Variants in CAPSL observed in about 807,000 individuals in gnomAD.
The protein encoded by CAPSL is calcyphosin-like protein.
In CAPSL, 17 loss-of-function variants were observed where a neutral mutation model predicts 21.3. The observed-to-expected ratio is 0.80, with a 90% confidence interval of 0.55 to 1.20. The LOEUF is 1.20. CAPSL is among the 50% of genes most tolerant of loss of function. The pLI is 0.00. For synonymous variants in CAPSL, 102 were observed against 89.3 expected (o/e 1.14, Z -0.80); for missense variants, 289 against 259.3 (o/e 1.11, Z -0.79).
intron 4 of CAPSL, among the ~76,000 whole-genome samples, chr5:35,905,208 G>A (rs1580876226): frequency 6.6e-6 from 1 of 152,062 alleles, no homozygotes; most frequent in East Asian, 1.9e-4. Flanking sequence ...ACCCATCCTG[G>A]CTTCTCTCCA....
chr5:35,904,469 A>G lies in CAPSL; in HGVS notation c.*76T>C. On this transcript the variant is annotated 3_prime_UTR_variant, in exon 5 of 5. Transcript: ENST00000651391. ...TAGGATGAGTGTGAAATCAAATACGATTCTGGTTTTTGAGCTGACATTTAG... is the reference window on the plus strand; with the variant it reads ...TAGGATGAGTGTGAAATCAAATACGGTTCTGGTTTTTGAGCTGACATTTAG... 9.2e-7 allele frequency: 1 copy of G among 1,082,320 alleles called. No individual in the cohort carries two copies. The highest frequency in any genetic ancestry group is 1.6e-5 in the African/African-American group (1 of 62,776). The allele number at this position is 1,082,320 out of a possible 1,614,324, so 67.0% of individuals were successfully genotyped here.
rs539362676 is a variant in CAPSL, at chr5:35,910,357, G to C, written c.315+9C>G. On this transcript the variant is annotated intron_variant, in intron 3 of 4. Coordinates refer to ENST00000651391, the MANE Select transcript of CAPSL (RefSeq NM_001042625.2). ...CTCAGCAGATACACTGATTAATGGG[G>C]CCACTTACTCTTAATGTGAGAAGAA... 5.6e-6 allele frequency: 9 copies of C among 1,610,776 alleles called. No individual in the cohort carries two copies. In the African/African-American group the frequency reaches 6.7e-5, roughly 12 times the overall value.
At chr5:35,927,704 A>G (rs1482200121) in intron 1 of CAPSL, among the ~76,000 whole-genome samples, 3 of 152,212 alleles carry the variant, frequency 2.0e-5, no homozygotes, top group African/African-American at 7.2e-5. Flanking sequence ...AATTTTGATT[A>G]AGACTTGGTG....
chr5:35,920,964 C>T lies in CAPSL; in HGVS notation c.137+20G>A, dbSNP rs1279271051. 6 of 1,611,608 alleles carry T rather than the reference C, an allele frequency of 3.7e-6. No homozygotes were observed. The East Asian group carries it at 1.3e-4, about 36-fold the overall frequency. On this transcript the variant is annotated intron_variant, in intron 2 of 4. Coordinates refer to ENST00000651391, the MANE Select transcript of CAPSL (RefSeq NM_001042625.2). Reference sequence around the variant, plus strand: ...CATTCCTTCCCGCTCCATTCCCTGCCACTTGTAGCTGGGTCCTACCTGCCA... The same window carrying T: ...CATTCCTTCCCGCTCCATTCCCTGCTACTTGTAGCTGGGTCCTACCTGCCA...
chr5:35,933,925 C>G (rs555675905), intron 1 of CAPSL, among the ~76,000 whole-genome samples: 1 of 152,180 alleles, frequency 6.6e-6, no homozygotes, highest in African/African-American at 2.4e-5. Context: ...ATGTGGGAGA[C>G]AATCTGCTCT....
At chr5:35,925,754 G>T (rs1738657455) in intron 1 of CAPSL, among the ~76,000 whole-genome samples, 1 of 151,900 alleles carries the variant, frequency 6.6e-6, no homozygotes, top group Non-Finnish European at 1.5e-5. Flanking sequence ...ACAAAAAAGG[G>T]AAAAAGTCTT....
chr5:35,928,022 G>A (rs1318723469), intron 1 of CAPSL, among the ~76,000 whole-genome samples: 1 of 152,136 alleles, frequency 6.6e-6, no homozygotes, highest in African/African-American at 2.4e-5. Flanking sequence ...TTGGAGGATG[G>A]GAAGTTCAAG....
chr5:35,909,846 G>T lies in CAPSL; in HGVS notation c.525+20C>A. The stretch of plus-strand genomic sequence containing the variant: ...TTTCGAATTGAAGAAATTTCCCCTA[G>T]ATTAGGCTCTTTTACTTACCAATCC... On this transcript the variant is annotated intron_variant, in intron 4 of 4. Transcript: ENST00000651391. 1 of 1,589,570 alleles carries T rather than the reference G, an allele frequency of 6.3e-7. No individual in the cohort carries two copies. Among genetic ancestry groups the T allele is most frequent in the Non-Finnish European group, 8.5e-7 (1 of 1,169,980 alleles).
chr5:35,924,030 T>A (rs1167719682), intron 1 of CAPSL, among the ~76,000 whole-genome samples: 9 of 148,726 alleles, frequency 6.1e-5, no homozygotes, highest in East Asian at 1.9e-4. Flanking sequence ...AAAAAAAAAA[T>A]TTAAAGTGTG....
At chr5:35,912,646 G>A (rs1009087392) in intron 2 of CAPSL, among the ~76,000 whole-genome samples, 11 of 152,248 alleles carry the variant, frequency 7.2e-5, no homozygotes, top group African/African-American at 2.7e-4. Flanking sequence ...TGCAGCTGAG[G>A]TTCCTGACTG....
Position 35,929,864 on chromosome 5 carries a change from A to G in CAPSL, c.-1+8677T>C, listed in dbSNP as rs548045610. On this transcript the variant is annotated intron_variant, in intron 1 of 4. Transcript: ENST00000651391. The stretch of plus-strand genomic sequence containing the variant: ...TTGGGTTTTCAAATCCTTAAGGCTC[A>G]GTGTAAATACCTTATGGTTAAGAAG... Among the ~76,000 whole-genome samples the G allele has an allele frequency of 4.6e-5, 7 of 152,224 alleles. No homozygotes were observed. In the East Asian group the frequency reaches 1.2e-3, roughly 25 times the overall value.
intron 2 of CAPSL, among the ~76,000 whole-genome samples, chr5:35,919,241 C>T (rs3866449): frequency 0.27 from 40,159 of 148,680 alleles, 5,700 homozygotes; most frequent in African/African-American, 0.35. Context: ...ATTCCAAGAA[C>T]GTGGCAAGGG....
intron 1 of CAPSL, among the ~76,000 whole-genome samples, chr5:35,935,550 G>A (rs1204981578): frequency 6.6e-6 from 1 of 151,924 alleles, no homozygotes; most frequent in Non-Finnish European, 1.5e-5. Flanking sequence ...GCCCAGGCTG[G>A]TCTTGAACTC....
intron 4 of CAPSL, 70 bp downstream of exon 4, chr5:35,909,796 G>T: frequency 8.0e-7 from 1 of 1,250,598 alleles, no homozygotes; most frequent in Non-Finnish European, 1.1e-6. Context: ...ATTTTTAAGA[G>T]TTTGGACCTA....
At chr5:35,915,581 A>G (rs541798135) in intron 2 of CAPSL, among the ~76,000 whole-genome samples, 2 of 152,334 alleles carry the variant, frequency 1.3e-5, no homozygotes, top group South Asian at 4.1e-4. Flanking sequence ...AATGTAATCC[A>G]GCATATAAAC....
At chr5:35,910,660 ATTC>A in intron 2 of CAPSL, 117 bp from the exon 3 acceptor site, 1 of 755,594 alleles carries the variant, frequency 1.3e-6, no homozygotes, top group Non-Finnish European at 2.1e-6. Flanking sequence ...AAAGTCTTAA[ATTC>A]TTCTCTGCAC....
intron 2 of CAPSL, among the ~76,000 whole-genome samples, chr5:35,915,934 C>A (rs1180288033): frequency 6.6e-6 from 1 of 152,260 alleles, no homozygotes; most frequent in African/African-American, 2.4e-5. Context: ...TCCCTGTTTG[C>A]AGATGACATG....
chr5:35,916,202 G>T (rs9764907), intron 2 of CAPSL, among the ~76,000 whole-genome samples: 129,785 of 150,798 alleles, frequency 0.86, 55,898 homozygotes, highest in South Asian at 0.94. Flanking sequence ...CACTGCTCAA[G>T]GAAATAAAAG....
chr5:35,938,429 C>A lies in CAPSL; in HGVS notation c.-1+112G>T, dbSNP rs886626795. On this transcript the variant is annotated intron_variant, in intron 1 of 4. Coordinates refer to ENST00000651391, the MANE Select transcript of CAPSL (RefSeq NM_001042625.2). Reference sequence around the variant, plus strand: ...CTCTAGTCCAAGAACTCTCAAAAGACTTTTAGATTTTCTTTTTAGAGAGTA... The same window carrying A: ...CTCTAGTCCAAGAACTCTCAAAAGAATTTTAGATTTTCTTTTTAGAGAGTA... 6 of 151,942 alleles carry A rather than the reference C, an allele frequency of 3.9e-5. No homozygotes were observed. The East Asian group carries it at 1.2e-3, about 29-fold the overall frequency. 9.4% of individuals were successfully genotyped at this position (151,942 alleles called of 1,614,324 possible). A position where few individuals can be genotyped will look rare whatever the true frequency, so the allele number is the denominator to read the frequency against.
Sources: gnomAD v4.1 joint callset for allele counts (sites outside exome capture counted in the v4.1 genomes callset) on GRCh38, gnomAD v4.1.1 for gene constraint, MANE v1.5 for transcripts, NCBI Gene and HGNC (gene_info 2026-07-23, HGNC 2026-07-21) for gene names.